Variants in IGSF10 observed in about 807,000 individuals in gnomAD.
The protein encoded by IGSF10 is calvaria mechanical force protein 608.
IGSF10 carries 126 observed loss-of-function variants against 128.2 expected under a neutral mutation model. The ratio of observed to expected loss-of-function variants is 0.98; its 90% CI spans 0.85 to 1.14. The LOEUF (loss-of-function observed/expected upper bound fraction) is 1.14. Ranked by LOEUF, IGSF10 falls within the 50% of genes most tolerant of loss-of-function variation. The pLI, the probability that IGSF10 is intolerant of heterozygous loss-of-function variation, is 0.00. For missense variants in IGSF10, 3,295 were observed against 3,149.8 expected, an observed-to-expected ratio of 1.05 and a Z score of -1.10; for synonymous variants, 1,185 against 1,146.2, an observed-to-expected ratio of 1.03 and a Z score of -0.68.
chr3:151,612,759 G>A, the IGSF10 span, among the ~76,000 whole-genome samples: 1 of 152,070 alleles, frequency 6.6e-6, no homozygotes, highest in African/African-American at 2.4e-5. Flanking sequence ...AATGAGTGTT[G>A]AAGACCTGGC....
the IGSF10 span, among the ~76,000 whole-genome samples, chr3:151,475,030 G>A: frequency 6.6e-6 from 1 of 152,178 alleles, no homozygotes; most frequent in Non-Finnish European, 1.5e-5. Context: ...TAAGGAGCAT[G>A]TCTTAGGCAT....
the IGSF10 span, among the ~76,000 whole-genome samples, chr3:151,493,721 C>A: frequency 6.6e-6 from 1 of 151,946 alleles, no homozygotes. Context: ...GAAGAAATTG[C>A]CTAAGGACAC....
upstream of IGSF10, chr3:151,461,326 CT>C: frequency 6.1e-6 from 6 of 985,346 alleles, no homozygotes; most frequent in Non-Finnish European, 7.2e-6. Context: ...ACAGGTGGGC[CT>C]TTTGGTTTAA....
Position 151,443,566 on chromosome 3 carries a change from C to T in IGSF10, c.5381G>A (p.Ser1794Asn). ...GTCAACCGTCACCACAGCCTGCCTA[C>T]TTCCCTGGGATGATTCTGAGACAAC... The part of the protein sequence containing the change: ...QTVVSESSQG[S>N]RQAVVTVDGT... Residue 1794 changes from serine to asparagine, a missense_variant, in exon 7 of 8, where the codon AGT becomes AAT. By Grantham distance (46) the Ser-to-Asn change is conservative. Transcript: ENST00000282466. The T allele has an allele frequency of 6.2e-7, 1 of 1,614,244 alleles. No homozygotes were observed. Among genetic ancestry groups the T allele is most frequent in the Non-Finnish European group, 8.5e-7 (1 of 1,180,036 alleles).
chr3:151,511,778 G>A, the IGSF10 span, among the ~76,000 whole-genome samples: 3 of 152,016 alleles, frequency 2.0e-5, no homozygotes, highest in African/African-American at 7.2e-5. Flanking sequence ...GATCTACCAA[G>A]CAAATGGAAA....
At chr3:151,521,587 AAAC>A in the IGSF10 span, among the ~76,000 whole-genome samples, 1 of 152,004 alleles carries the variant, frequency 6.6e-6, no homozygotes, top group African/African-American at 2.4e-5. Flanking sequence ...CATGGAAATT[AAAC>A]AACATGCTCC....
At chr3:151,512,976 C>T in the IGSF10 span, among the ~76,000 whole-genome samples, 1 of 152,156 alleles carries the variant, frequency 6.6e-6, no homozygotes, top group South Asian at 2.1e-4. Context: ...TAATTAATAG[C>T]TTACCAACCA....
At chr3:151,495,740 C>G in the IGSF10 span, among the ~76,000 whole-genome samples, 1 of 152,070 alleles carries the variant, frequency 6.6e-6, no homozygotes, top group Admixed American at 6.6e-5. Flanking sequence ...GGAACATGAG[C>G]CAAATATTGA....
At chr3:151,519,408 C>A in the IGSF10 span, among the ~76,000 whole-genome samples, 2 of 151,806 alleles carry the variant, frequency 1.3e-5, no homozygotes, top group African/African-American at 4.8e-5. Flanking sequence ...CTTTCCTCAT[C>A]ATTTTTGTGT....
At chr3:151,530,262 G>A in the IGSF10 span, among the ~76,000 whole-genome samples, 22 of 152,096 alleles carry the variant, frequency 1.4e-4, no homozygotes, top group Non-Finnish European at 2.9e-4. Context: ...AAGAGACGGG[G>A]AGAGTGTTTC....
chr3:151,463,490 T>G (rs1378350694), upstream of IGSF10, among the ~76,000 whole-genome samples: 1 of 143,476 alleles, frequency 7.0e-6, no homozygotes, highest in Non-Finnish European at 1.5e-5. Flanking sequence ...TTTAAAATTG[T>G]AAAACCAATG....
chr3:151,506,068 C>T, the IGSF10 span, among the ~76,000 whole-genome samples: 1 of 152,268 alleles, frequency 6.6e-6, no homozygotes, highest in African/African-American at 2.4e-5. Context: ...TCTCCTGCCT[C>T]AGCCTCCCAA....
the IGSF10 span, among the ~76,000 whole-genome samples, chr3:151,483,646 G>A: frequency 6.6e-6 from 1 of 152,118 alleles, no homozygotes; most frequent in Non-Finnish European, 1.5e-5. Context: ...TGGACAATAG[G>A]TGCAGCCCAA....
the IGSF10 span, among the ~76,000 whole-genome samples, chr3:151,509,303 AT>A: frequency 1.3e-5 from 2 of 152,194 alleles, no homozygotes; most frequent in Non-Finnish European, 2.9e-5. Flanking sequence ...TAGATATACA[AT>A]TTGAATGAAC....
chr3:151,514,567 C>T, the IGSF10 span, among the ~76,000 whole-genome samples: 19 of 152,284 alleles, frequency 1.2e-4, no homozygotes, highest in African/African-American at 4.6e-4. Context: ...GGAAGAACTT[C>T]ATGTCTAAAA....
chr3:151,505,549 C>T, the IGSF10 span, among the ~76,000 whole-genome samples: 2 of 152,050 alleles, frequency 1.3e-5, no homozygotes, highest in African/African-American at 2.4e-5. Flanking sequence ...CCTTAGTTCC[C>T]CGAGAACGAA....
chr3:151,480,575 A>G, the IGSF10 span, among the ~76,000 whole-genome samples: 1 of 152,100 alleles, frequency 6.6e-6, no homozygotes, highest in East Asian at 1.9e-4. Flanking sequence ...GCACAGTTAG[A>G]GTGCATGCTA....
chr3:151,617,320 C>CTTCTTCTTCTTCT, the IGSF10 span, among the ~76,000 whole-genome samples: 3,729 of 83,546 alleles, frequency 0.045, 455 homozygotes, highest in East Asian at 0.093. Flanking sequence ...CTTCTTCTTC[C>CTTCTTCTTCTTCT]CCTCCTCCTC....
At chr3:151,452,532 GATCATT>G in intron 5 of IGSF10, among the ~76,000 whole-genome samples, 1 of 152,188 alleles carries the variant, frequency 6.6e-6, no homozygotes, top group Non-Finnish European at 1.5e-5. Context: ...CTTATGGGAG[GATCATT>G]ATATATGCCA....
Sources: allele counts gnomAD v4.1 joint callset (sites outside exome capture counted in the v4.1 genomes callset), GRCh38; gene constraint gnomAD v4.1.1; transcripts MANE v1.5; gene names NCBI Gene and HGNC (gene_info 2026-07-23, HGNC 2026-07-21).